Variants in NLGN4Y observed in about 807,000 individuals in gnomAD.
The protein encoded by NLGN4Y is neuroligin 4 Y-linked.
A neutral mutation model predicts 8.4 loss-of-function variants in NLGN4Y; 4 were observed. The observed-to-expected ratio is 0.48, with a 90% CI of 0.23 to 1.09. NLGN4Y has a LOEUF of 1.09. Ranked by LOEUF, NLGN4Y falls within the 50% of genes least tolerant of loss-of-function variation. The pLI is 0.19. For synonymous variants in NLGN4Y, 35 were observed against 75.6 expected, an observed-to-expected ratio of 0.46 and a Z score of 2.78; for missense variants, 90 against 192.3, an observed-to-expected ratio of 0.47 and a Z score of 3.15.
At chrY:14,824,652 T>C in intron 5 of NLGN4Y, among the ~76,000 whole-genome samples, 1 of 33,711 alleles carries the variant, frequency 3.0e-5, no homozygotes, top group Non-Finnish European at 7.3e-5. Context: ...ACCTGCTGAA[T>C]ACCTGGGACT....
At chrY:14,737,673 T>A (rs1355687736) in intron 4 of NLGN4Y, among the ~76,000 whole-genome samples, 1 of 33,015 alleles carries the variant, frequency 3.0e-5, no homozygotes, top group Non-Finnish European at 7.5e-5. Context: ...TTACACATTG[T>A]TTACAGGGGT....
intron 1 of NLGN4Y, among the ~76,000 whole-genome samples, chrY:14,568,283 G>C: frequency 6.1e-5 from 2 of 32,942 alleles, no homozygotes; most frequent in Non-Finnish European, 1.5e-4. Context: ...CCTGGCCAGA[G>C]TAGGAGCTGT....
intron 4 of NLGN4Y, among the ~76,000 whole-genome samples, chrY:14,806,015 G>A (rs370473867): frequency 1.2e-3 from 39 of 33,251 alleles, no homozygotes; most frequent in African/African-American, 4.2e-3. Context: ...GGTGGCAGGC[G>A]CCTGTAGTGC....
chrY:14,540,291 C>A, intron 1 of NLGN4Y, among the ~76,000 whole-genome samples: 1 of 32,406 alleles, frequency 3.1e-5, no homozygotes, highest in Admixed American at 2.8e-4. Flanking sequence ...CTTCTCTGGT[C>A]AGGGCATCTC....
intron 1 of NLGN4Y, among the ~76,000 whole-genome samples, chrY:14,547,988 A>G: frequency 6.0e-5 from 2 of 33,167 alleles, no homozygotes; most frequent in African/African-American, 2.3e-4. Context: ...AAGAGTTCAG[A>G]GGTGGGTGAA....
chrY:14,824,683 T>A, intron 5 of NLGN4Y, among the ~76,000 whole-genome samples: 2 of 33,434 alleles, frequency 6.0e-5, no homozygotes, highest in African/African-American at 1.2e-4. Context: ...TTTTAATTTT[T>A]ATTTTTATAG....
chrY:14,541,082 A>G (rs111986229), intron 1 of NLGN4Y, among the ~76,000 whole-genome samples: 2,372 of 33,281 alleles, frequency 0.071, no homozygotes, highest in Non-Finnish European at 0.11. Flanking sequence ...ATTTCTAACT[A>G]GAATAACCAG....
At chrY:14,799,687 A>G (rs2043024315) in intron 4 of NLGN4Y, among the ~76,000 whole-genome samples, 1 of 33,292 alleles carries the variant, frequency 3.0e-5, no homozygotes, top group South Asian at 6.8e-4. Flanking sequence ...TAGCTAATAT[A>G]CCCATTAAGA....
intron 1 of NLGN4Y, among the ~76,000 whole-genome samples, chrY:14,539,814 G>C (rs2150464286): frequency 3.0e-5 from 1 of 33,251 alleles, no homozygotes; most frequent in Non-Finnish European, 7.4e-5. Flanking sequence ...TAGAATAATG[G>C]ATCCCATTTG....
At chrY:14,672,915 T>G (rs1603502423) in intron 2 of NLGN4Y, among the ~76,000 whole-genome samples, 1 of 28,838 alleles carries the variant, frequency 3.5e-5, no homozygotes, top group Admixed American at 3.2e-4. Flanking sequence ...CTGAGAAAAA[T>G]AAGCAATGGG....
At chrY:14,775,463 C>T in intron 4 of NLGN4Y, among the ~76,000 whole-genome samples, 6 of 32,077 alleles carry the variant, frequency 1.9e-4, no homozygotes, top group Non-Finnish European at 3.0e-4. Flanking sequence ...TCACTGATTG[C>T]TTCTCTCTGT....
intron 4 of NLGN4Y, among the ~76,000 whole-genome samples, chrY:14,781,494 A>G (rs2042944097): frequency 3.0e-5 from 1 of 33,478 alleles, no homozygotes. Flanking sequence ...TCCTCCTGTC[A>G]TGCGATCTTC....
intron 1 of NLGN4Y, among the ~76,000 whole-genome samples, chrY:14,533,844 G>T (rs2080122224): frequency 3.0e-5 from 1 of 33,173 alleles, no homozygotes; most frequent in Admixed American, 2.8e-4. Flanking sequence ...AGAACATGTG[G>T]TGCTGGTTTT....
intron 1 of NLGN4Y, among the ~76,000 whole-genome samples, chrY:14,597,477 T>G: frequency 9.1e-5 from 3 of 32,865 alleles, no homozygotes; most frequent in African/African-American, 3.6e-4. Flanking sequence ...ATCCCTGAGC[T>G]AGATACAAAT....
chrY:14,547,227 G>A (rs2080176173), intron 1 of NLGN4Y, among the ~76,000 whole-genome samples: 1 of 33,543 alleles, frequency 3.0e-5, no homozygotes, highest in Non-Finnish European at 7.4e-5. Context: ...GTGCTGGGCA[G>A]GAGGCTTCAG....
chrY:14,579,235 A>T, intron 1 of NLGN4Y, among the ~76,000 whole-genome samples: 1 of 34,054 alleles, frequency 2.9e-5, no homozygotes, highest in Admixed American at 2.7e-4. Context: ...AGTACTCGAG[A>T]TGGGCTTTAG....
At position 14,840,912 on chromosome Y, in the gene NLGN4Y, G is replaced by A. The variant is rs368741626; in HGVS notation, c.2161G>A (p.Asp721Asn). The A allele has an allele frequency of 2.5e-6, 1 of 396,699 alleles. No individual in the cohort carries two copies. Among genetic ancestry groups the A allele is most frequent in the Non-Finnish European group, 3.5e-6 (1 of 283,271 alleles). ...CTTTGCGGCGCTGTACTACAAAAAG[G>A]ACAAGAGGCGCCATGAGACTCACAG... is the stretch of plus-strand genomic sequence containing the variant. The part of the protein sequence containing the change: ...LAFAALYYKK[D>N]KRRHETHRHP... Residue 721 changes from aspartate to asparagine, a missense_variant, in exon 7 of 7, where the codon GAC (aspartate) becomes AAC (asparagine). Transcript: ENST00000684976.
chrY:14,771,879 C>T, intron 4 of NLGN4Y, among the ~76,000 whole-genome samples: 1 of 33,046 alleles, frequency 3.0e-5, no homozygotes, highest in East Asian at 8.0e-4. Context: ...ACACAATGTA[C>T]CAGAATCTCT....
chrY:14,653,705 G>A, intron 2 of NLGN4Y, among the ~76,000 whole-genome samples: 1 of 33,224 alleles, frequency 3.0e-5, no homozygotes, highest in Non-Finnish European at 7.4e-5. Context: ...GCCCGCCACC[G>A]TGCCTGGCTA....
Sources: gnomAD v4.1 joint callset for allele counts (sites outside exome capture counted in the v4.1 genomes callset) on GRCh38, gnomAD v4.1.1 for gene constraint, MANE v1.5 for transcripts, NCBI Gene and HGNC (gene_info 2026-07-23, HGNC 2026-07-21) for gene names.